The following FAM120A variants were observed in gnomAD, a reference collection of about 807,000 sequenced individuals.
FAM120A encodes the protein constitutive coactivator of PPAR-gamma-like protein 1.
FAM120A carries 15 observed loss-of-function variants against 109.7 expected under a neutral mutation model. The observed-to-expected ratio is 0.14, with a 90% CI of 0.09 to 0.21. The LOEUF is 0.21. Ranked by LOEUF, FAM120A falls within the 10% of genes least tolerant of loss-of-function variation. The pLI is 1.00. For synonymous variants in FAM120A, 493 were observed against 572.8 expected (o/e 0.86, Z 1.99); for missense variants, 899 against 1,439.3 (o/e 0.62, Z 6.07).
At chr9:93,483,233 A>G (rs1403965700) in intron 3 of FAM120A, among the ~76,000 whole-genome samples, 1 of 152,208 alleles carries the variant, frequency 6.6e-6, no homozygotes, top group African/African-American at 2.4e-5. Flanking sequence ...TTCACTTCAT[A>G]TATTTTTTTC....
chr9:93,480,372 T>C (rs4744245), intron 3 of FAM120A, among the ~76,000 whole-genome samples: 77,179 of 151,862 alleles, frequency 0.51, 19,856 homozygotes, highest in East Asian at 0.61. Context: ...TGGGATTCCT[T>C]GCTGCAGTCC....
At position 93,498,285 on chromosome 9, in the gene FAM120A, C is replaced by T. The variant is rs1175583759; in HGVS notation, c.934-505C>T. On this transcript the variant is annotated intron_variant, in intron 4 of 17. Transcript: ENST00000277165. The surrounding 1 kb of genome is among the most constrained non-coding windows in gnomAD (Gnocchi z 4.4). The stretch of plus-strand genomic sequence containing the variant: ...GTGGGCGCCTGTAATGCCAGCTACT[C>T]GGGATGCTGAGGCAGGAGAATCGCT... Among the ~76,000 whole-genome samples, 2 of 152,166 alleles carry T rather than the reference C, an allele frequency of 1.3e-5. No homozygotes were observed. The highest frequency in any genetic ancestry group is 2.4e-5 in the African/African-American group (1 of 41,426).
chr9:93,523,119 C>T (rs1189855617), intron 7 of FAM120A, among the ~76,000 whole-genome samples: 1 of 152,200 alleles, frequency 6.6e-6, no homozygotes, highest in African/African-American at 2.4e-5. Flanking sequence ...TAAAAATTAA[C>T]TCTTAGTATG....
chr9:93,527,710 C>A (rs1196390436), intron 8 of FAM120A, among the ~76,000 whole-genome samples: 1 of 136,022 alleles, frequency 7.4e-6, no homozygotes, highest in Non-Finnish European at 1.5e-5. Context: ...GAAACCTCTG[C>A]CCCCTGGGTT....
In FAM120A at chr9:93,529,449, A is replaced by T; in HGVS notation, c.1603A>T (p.Met535Leu). 6.2e-7 allele frequency: 1 copy of T among 1,614,228 alleles called. No homozygotes were observed. The highest frequency in any genetic ancestry group is 1.1e-5 in the South Asian group (1 of 91,090). ...TVQPIPCLLS[M>L]PTRNHMDITT... ...CCAGCCAATCCCGTGCCTCCTGTCGATGCCCACCAGGAACCACATGGACAT... is the reference window on the plus strand; with the variant it reads ...CCAGCCAATCCCGTGCCTCCTGTCGTTGCCCACCAGGAACCACATGGACAT... Residue 535 changes from methionine to leucine, a missense_variant, in exon 9 of 18, where the codon ATG becomes TTG. By Grantham distance (15) the Met-to-Leu change is conservative. This residue lies in a region of FAM120A where 133 missense variants were observed against 276.6 expected (regional missense o/e 0.48). Transcript: ENST00000277165.
chr9:93,466,286 T>G (rs954867831), intron 1 of FAM120A, among the ~76,000 whole-genome samples: 40 of 152,292 alleles, frequency 2.6e-4, no homozygotes, highest in Admixed American at 8.5e-4. Flanking sequence ...TTTAATCATT[T>G]ATTTATATCA....
chr9:93,518,811 C>T (rs529322169), intron 7 of FAM120A, among the ~76,000 whole-genome samples: 8 of 152,342 alleles, frequency 5.3e-5, no homozygotes, highest in Non-Finnish European at 1.0e-4. Flanking sequence ...GTTCTACGTG[C>T]CACGGGAAAC....
chr9:93,497,654 A>T, intron 4 of FAM120A, 55 bp downstream of exon 4: 1 of 1,557,594 alleles, frequency 6.4e-7, no homozygotes, highest in Non-Finnish European at 8.6e-7. Context: ...ATGACGTTGC[A>T]TAGTGGTGTG....
chr9:93,526,215 G>T (rs1344625569), intron 7 of FAM120A, among the ~76,000 whole-genome samples: 1 of 152,154 alleles, frequency 6.6e-6, no homozygotes, highest in African/African-American at 2.4e-5. Flanking sequence ...TTCCAGTGTG[G>T]TGCTGCATCC....
intron 13 of FAM120A, 43 bp from the exon 14 acceptor site, chr9:93,557,784 C>A: frequency 6.4e-7 from 1 of 1,574,108 alleles, no homozygotes; most frequent in Non-Finnish European, 8.7e-7. Context: ...CAATTAAAAC[C>A]CCCTGTGGAT....
At chr9:93,524,844 G>A (rs1861004076) in intron 7 of FAM120A, among the ~76,000 whole-genome samples, 1 of 152,192 alleles carries the variant, frequency 6.6e-6, no homozygotes, top group African/African-American at 2.4e-5. Flanking sequence ...CCGGGTCACT[G>A]ACTCTACTTC....
chr9:93,527,576 C>G (rs1056073110), intron 8 of FAM120A, among the ~76,000 whole-genome samples: 4 of 145,226 alleles, frequency 2.8e-5, no homozygotes, highest in East Asian at 4.1e-4. Context: ...CCCCACCCCC[C>G]TTTTTTCTTT....
At chr9:93,457,834 A>G (rs1406876967) in intron 1 of FAM120A, among the ~76,000 whole-genome samples, 9 of 150,452 alleles carry the variant, frequency 6.0e-5, no homozygotes, top group Admixed American at 3.3e-4. Flanking sequence ...AATTAAACCT[A>G]TCAAAAACCA....
chr9:93,479,012 T>G (rs1038347224), intron 3 of FAM120A, among the ~76,000 whole-genome samples: 1 of 152,170 alleles, frequency 6.6e-6, no homozygotes, highest in African/African-American at 2.4e-5. Flanking sequence ...CATAATATTC[T>G]GAGTTTTATT....
At chr9:93,514,017 C>A (rs1238291775) in intron 5 of FAM120A, among the ~76,000 whole-genome samples, 2 of 152,214 alleles carry the variant, frequency 1.3e-5, no homozygotes, top group East Asian at 1.9e-4. Flanking sequence ...CTATAAAGAA[C>A]TGCCTGAGAC....
chr9:93,508,933 A>T (rs988837345), intron 5 of FAM120A, among the ~76,000 whole-genome samples: 3 of 152,248 alleles, frequency 2.0e-5, no homozygotes, highest in Non-Finnish European at 4.4e-5. Context: ...GAAGTTGGAA[A>T]GACAATATGT....
intron 7 of FAM120A, among the ~76,000 whole-genome samples, chr9:93,519,431 T>C (rs974812299): frequency 9.2e-5 from 14 of 152,038 alleles, no homozygotes; most frequent in Non-Finnish European, 1.5e-4. Flanking sequence ...TTAGTAGAGA[T>C]GAGGTTTCAC....
chr9:93,480,991 G>A (rs1199681918), intron 3 of FAM120A, among the ~76,000 whole-genome samples: 5 of 152,232 alleles, frequency 3.3e-5, no homozygotes, highest in Non-Finnish European at 7.4e-5. Context: ...TGCAGAGCAT[G>A]GGCTCCAGTC....
chr9:93,483,181 C>T (rs1016425867), intron 3 of FAM120A, among the ~76,000 whole-genome samples: 3 of 152,102 alleles, frequency 2.0e-5, no homozygotes, highest in African/African-American at 7.2e-5. Flanking sequence ...TGTGAACCCT[C>T]CAAAGAAGGA....
Sources: allele counts gnomAD v4.1 joint callset (sites outside exome capture counted in the v4.1 genomes callset), GRCh38; gene constraint gnomAD v4.1.1; regional missense constraint gnomAD v4.1.1; non-coding constraint Gnocchi (gnomAD v3.1); transcripts MANE v1.5; gene names NCBI Gene and HGNC (gene_info 2026-07-23, HGNC 2026-07-21).